Variants in SCN11A observed in about 807,000 individuals in gnomAD.
SCN11A encodes sodium channel protein type 11 subunit alpha.
In SCN11A, 122 loss-of-function variants were observed where a neutral mutation model predicts 162.2. The ratio of observed to expected loss-of-function variants is 0.75; its 90% CI spans 0.65 to 0.87. The LOEUF is 0.87. SCN11A is among the 40% of genes least tolerant of loss of function. The pLI is 0.00. For synonymous variants in SCN11A, 758 were observed against 751.5 expected (o/e 1.01, Z -0.14); for missense variants, 2,015 against 2,181.6 (o/e 0.92, Z 1.52).
chr3:38,846,616 C>G lies in SCN11A; in HGVS notation c.*78G>C. ...TTGGTGAATCCACTCCCTGTTGATACACTAAGCTGCTGACCCCTGGAGCTC... is the reference window on the plus strand; with the variant it reads ...TTGGTGAATCCACTCCCTGTTGATAGACTAAGCTGCTGACCCCTGGAGCTC... On this transcript the variant is annotated 3_prime_UTR_variant, in exon 30 of 30. Transcript: ENST00000302328. The G allele has an allele frequency of 8.9e-7, 1 of 1,123,230 alleles. No homozygotes were observed. The highest frequency in any genetic ancestry group is 2.4e-5 in the East Asian group (1 of 42,292). The allele number at this position is 1,123,230 out of a possible 1,614,324, so 69.6% of individuals were successfully genotyped here.
At chr3:39,015,291 C>G (rs1174380430) in intron 2 of SCN11A, among the ~76,000 whole-genome samples, 1 of 152,166 alleles carries the variant, frequency 6.6e-6, no homozygotes, top group African/African-American at 2.4e-5. Flanking sequence ...TGATCTTGGA[C>G]TTTTCAGCCT....
chr3:39,012,096 C>T (rs1233868465), intron 2 of SCN11A, among the ~76,000 whole-genome samples: 1 of 152,070 alleles, frequency 6.6e-6, no homozygotes, highest in Admixed American at 6.5e-5. Context: ...GAGGCCAAGG[C>T]GGGCAGATCA....
At chr3:38,881,795 T>A (rs557307585) in intron 22 of SCN11A, among the ~76,000 whole-genome samples, 22 of 152,308 alleles carry the variant, frequency 1.4e-4, no homozygotes, top group African/African-American at 4.6e-4. Flanking sequence ...CCTGGCACCC[T>A]CTGCATTGTG....
intron 7 of SCN11A, among the ~76,000 whole-genome samples, chr3:38,929,968 G>A (rs754956668): frequency 1.3e-5 from 2 of 151,970 alleles, no homozygotes; most frequent in Non-Finnish European, 2.9e-5. Flanking sequence ...TCCAGTCTGT[G>A]GTATTTTGTT....
rs746338449 is a variant in SCN11A, at chr3:38,846,960, T to C, written c.5110A>G (p.Lys1704Glu). Residue 1704 changes from lysine (K) to glutamate (E), a missense_variant, in exon 30 of 30, where the codon AAA becomes GAA. Lys to Glu is a moderately conservative substitution (Grantham distance 56, BLOSUM62 1). Transcript: ENST00000302328. Reference protein sequence around the residue: ...LGGSDGLDSMKAMMEEKFMEA... With the variant: ...LGGSDGLDSMEAMMEEKFMEA... ...ATGAACTTCTCTTCCATCATTGCTT[T>C]CATACTATCTAGGCCATCAGAGCCA... The C allele has an allele frequency of 1.1e-5, 18 of 1,614,058 alleles. No homozygotes were observed. The highest frequency in any genetic ancestry group is 1.4e-5 in the Non-Finnish European group (17 of 1,180,042).
chr3:38,851,342 A>G (rs1342448005), intron 28 of SCN11A, among the ~76,000 whole-genome samples: 1 of 152,204 alleles, frequency 6.6e-6, no homozygotes, highest in Non-Finnish European at 1.5e-5. Flanking sequence ...TTATAATCCA[A>G]TAATTACTAA....
At chr3:38,928,419 C>T (rs2125555682) in intron 7 of SCN11A, among the ~76,000 whole-genome samples, 3 of 152,174 alleles carry the variant, frequency 2.0e-5, no homozygotes, top group Non-Finnish European at 4.4e-5. Flanking sequence ...ATACCTAATG[C>T]ATGTGGGGCT....
chr3:39,017,158 T>G (rs191201925), intron 2 of SCN11A, among the ~76,000 whole-genome samples: 25 of 152,282 alleles, frequency 1.6e-4, no homozygotes, highest in South Asian at 4.1e-4. Context: ...AGAGCTTGCT[T>G]CTTCTCTCTC....
chr3:38,977,666 T>C (rs1289071298), intron 2 of SCN11A, among the ~76,000 whole-genome samples: 1 of 152,160 alleles, frequency 6.6e-6, no homozygotes, highest in African/African-American at 2.4e-5. Flanking sequence ...CAGACTCATT[T>C]CCCACTGATA....
At chr3:38,982,649 G>A (rs2030097865) in intron 2 of SCN11A, among the ~76,000 whole-genome samples, 1 of 152,130 alleles carries the variant, frequency 6.6e-6, no homozygotes, top group African/African-American at 2.4e-5. Flanking sequence ...GGAATCAGCA[G>A]ACATAATATA....
At chr3:39,038,297 G>C (rs1230794410) in intron 1 of SCN11A, among the ~76,000 whole-genome samples, 1 of 152,188 alleles carries the variant, frequency 6.6e-6, no homozygotes, top group African/African-American at 2.4e-5. Flanking sequence ...GATTAGTCAA[G>C]CTGAGGTTAC....
rs1575273371 is a variant in SCN11A at position 38,905,193 on chromosome 3, C to A, written c.1602G>T (p.Lys534Asn). ...SAVSILTITM[K>N]EQEKSQEPCL... ...CTTGGATTGGGATGTGGAACTTACC[C>A]TTCATGGTGATGGTGAGGATGCTGA... Residue 534 changes from lysine (K) to asparagine (N), a missense_variant and splice_region_variant, in exon 15 of 30, where the codon AAG (lysine) becomes AAT (asparagine). Lys to Asn is a moderately conservative substitution (Grantham distance 94). Transcript: ENST00000302328. 1 of 1,613,988 alleles carries A rather than the reference C, an allele frequency of 6.2e-7. No homozygotes were observed.
At chr3:38,975,818 C>T (rs1345582206) in intron 2 of SCN11A, among the ~76,000 whole-genome samples, 4 of 151,878 alleles carry the variant, frequency 2.6e-5, no homozygotes, top group African/African-American at 9.7e-5. Flanking sequence ...AGCCAGGGGC[C>T]GGGAGGAGGG....
At chr3:38,987,947 CAA>C (rs1482463294) in intron 2 of SCN11A, among the ~76,000 whole-genome samples, 1 of 152,230 alleles carries the variant, frequency 6.6e-6, no homozygotes, top group Non-Finnish European at 1.5e-5. Context: ...GATTTGAGCA[CAA>C]AGTCTGCAGT....
At chr3:38,857,744 C>A (rs1053832672) in intron 28 of SCN11A, among the ~76,000 whole-genome samples, 12 of 151,954 alleles carry the variant, frequency 7.9e-5, no homozygotes, top group Non-Finnish European at 1.6e-4. Flanking sequence ...AGCTGTGAGA[C>A]AAAAGAATTA....
chr3:38,920,852 T>C (rs942750352), intron 10 of SCN11A, among the ~76,000 whole-genome samples: 3 of 152,106 alleles, frequency 2.0e-5, no homozygotes, highest in Admixed American at 2.0e-4. Flanking sequence ...CAGCATAGAA[T>C]TGCTCTTGTG....
intron 2 of SCN11A, among the ~76,000 whole-genome samples, chr3:38,967,748 A>G (rs2066791816): frequency 6.6e-6 from 1 of 152,196 alleles, no homozygotes; most frequent in South Asian, 2.1e-4. Context: ...GCAACTTCCT[A>G]AAAGATGATT....
intron 23 of SCN11A, among the ~76,000 whole-genome samples, chr3:38,876,700 G>A (rs934361933): frequency 7.9e-5 from 12 of 151,384 alleles, no homozygotes; most frequent in African/African-American, 2.9e-4. Context: ...ATCAAAAAAT[G>A]ATAGATGTTG....
At chr3:38,940,228 C>G (rs2066421233) in intron 7 of SCN11A, among the ~76,000 whole-genome samples, 1 of 151,954 alleles carries the variant, frequency 6.6e-6, no homozygotes, top group Non-Finnish European at 1.5e-5. Context: ...TAGAGGAACA[C>G]AAAAGAAGAT....
Sources: gnomAD v4.1 joint callset for allele counts (sites outside exome capture counted in the v4.1 genomes callset) on GRCh38, gnomAD v4.1.1 for gene constraint, MANE v1.5 for transcripts, NCBI Gene and HGNC (gene_info 2026-07-23, HGNC 2026-07-21) for gene names.